CLSTN2: variants seen among roughly 807,000 people sequenced by gnomAD.
The protein encoded by CLSTN2 is calsyntenin-2.
In CLSTN2, 48 loss-of-function variants were observed where a neutral mutation model predicts 101.2. The ratio of observed to expected loss-of-function variants is 0.47; its 90% confidence interval spans 0.38 to 0.60. The LOEUF is 0.60. CLSTN2 is among the 20% of genes least tolerant of loss of function. The pLI is 0.00. For synonymous variants in CLSTN2, 481 were observed against 463.6 expected, an observed-to-expected ratio of 1.04 and a Z score of -0.48; for missense variants, 1,160 against 1,238.2, an observed-to-expected ratio of 0.94 and a Z score of 0.95.
intron 2 of CLSTN2, among the ~76,000 whole-genome samples, chr3:140,193,846 CTAAT>C (rs372691096): frequency 4.3e-4 from 66 of 152,154 alleles, no homozygotes; most frequent in African/African-American, 1.5e-3. Flanking sequence ...TCTCTAATAA[CTAAT>C]TGAGTTATTC....
intron 2 of CLSTN2, among the ~76,000 whole-genome samples, chr3:140,226,930 A>G (rs1306580109): frequency 2.0e-5 from 3 of 152,154 alleles, no homozygotes; most frequent in South Asian, 2.1e-4. Flanking sequence ...ACCCGCCCCC[A>G]TAATTCAATC....
intron 8 of CLSTN2, among the ~76,000 whole-genome samples, chr3:140,529,662 G>A (rs908232584): frequency 5.3e-5 from 8 of 152,110 alleles, no homozygotes; most frequent in Non-Finnish European, 1.2e-4. Context: ...TTTAGCTGCT[G>A]TCACAGATTA....
chr3:140,537,496 A>G (rs774701345), intron 9 of CLSTN2, among the ~76,000 whole-genome samples: 5 of 151,896 alleles, frequency 3.3e-5, no homozygotes, highest in Non-Finnish European at 7.4e-5. Context: ...TGAACCTAGC[A>G]TCACAAAAGA....
rs1456626951 is a variant in CLSTN2 at position 140,558,711 on chromosome 3, A to G, written c.1895A>G (p.Glu632Gly). Residue 632 changes from glutamate to glycine, a missense_variant, in exon 12 of 17, where the codon GAG (glutamate) becomes GGG (glycine). Transcript: ENST00000458420. ...DAYVMVLQAIEPRITLRGTDH... is the reference protein window; with the variant it reads ...DAYVMVLQAIGPRITLRGTDH... ...TATGTGATGGTCCTCCAGGCCATCG[A>G]GCCCCGGATCACCCTCCGGGGCACA... The G allele has an allele frequency of 1.2e-6, 2 of 1,614,042 alleles. No homozygotes were observed. The highest frequency in any genetic ancestry group is 1.7e-5 in the Admixed American group (1 of 60,016).
At chr3:140,107,493 G>T (rs763087655) in intron 1 of CLSTN2, among the ~76,000 whole-genome samples, 3 of 152,166 alleles carry the variant, frequency 2.0e-5, no homozygotes, top group Non-Finnish European at 4.4e-5. Context: ...CACCCTCAAT[G>T]TGAGTGCAGA....
rs1366038 is a variant in CLSTN2 at position 140,488,635 on chromosome 3, G to A, written c.1344+21904G>A. ...TTCTGCTGTGGAATGCATTTAATAC[G>A]TGCTTTTTTTTTTTTTTTTTTTTTT... On this transcript the variant is annotated intron_variant, in intron 8 of 16. Coordinates refer to ENST00000458420, the MANE Select transcript of CLSTN2 (RefSeq NM_022131.3). 8.7e-4 allele frequency among the ~76,000 whole-genome samples: 108 copies of A among 124,556 alleles called. 1 individual carries two copies. The highest frequency in any genetic ancestry group is 1.4e-3 in the Non-Finnish European group (88 of 61,558). 81.7% of individuals were successfully genotyped at this position (124,556 alleles called of 152,430 possible).
rs113750350 is a variant in CLSTN2 at position 140,380,587 on chromosome 3, C to CT, written c.233-23040dup. Among the ~76,000 whole-genome samples the CT allele has an allele frequency of 3.8e-3, 578 of 152,290 alleles. 9 individuals carry two copies. Among genetic ancestry groups the CT allele is most frequent in the African/African-American group, 0.013 (552 of 41,556 alleles). ...AGTGGCATGAAGCCTATTTAAGCACCTTCAGCAAACTCCAAAACACCTTTC... is the reference window on the plus strand; with the variant it reads ...AGTGGCATGAAGCCTATTTAAGCACCTTTCAGCAAACTCCAAAACACCTTTC... On this transcript the variant is annotated intron_variant, in intron 2 of 16. Transcript: ENST00000458420.
chr3:140,026,826 A>T lies in CLSTN2; in HGVS notation c.109+91343A>T, dbSNP rs550371663. On this transcript the variant is annotated intron_variant, in intron 1 of 16. Coordinates refer to ENST00000458420, the MANE Select transcript of CLSTN2 (RefSeq NM_022131.3). ...TCAGGGAACCCCCTTCCCATCTCAG[A>T]GGACTCCCTGGTCAGATTGACATTG... is the stretch of plus-strand genomic sequence containing the variant. 2.0e-5 allele frequency among the ~76,000 whole-genome samples: 3 copies of T among 152,326 alleles called. No individual in the cohort carries two copies. In the South Asian group the frequency reaches 6.2e-4, roughly 32 times the overall value.
chr3:140,558,508 A>T, intron 11 of CLSTN2, 132 bp from the exon 12 acceptor site: 1 of 633,194 alleles, frequency 1.6e-6, no homozygotes, highest in Non-Finnish European at 2.7e-6. Flanking sequence ...ATGTCTGTTG[A>T]CATCCTCAGA....
chr3:140,572,911 C>T lies in CLSTN2; in HGVS notation c.*6658C>T, dbSNP rs1985601198. On this transcript the variant is annotated 3_prime_UTR_variant, in exon 17 of 17. Coordinates refer to ENST00000458420, the MANE Select transcript of CLSTN2 (RefSeq NM_022131.3). The stretch of plus-strand genomic sequence containing the variant: ...GGCCTTTTTGGCTCCAGTTTATACT[C>T]ACTGAAGCAGTGGTTTCAAGGAACC... 6.6e-6 allele frequency: 1 copy of T among 152,308 alleles called. No homozygotes were observed. Among genetic ancestry groups the T allele is most frequent in the Non-Finnish European group, 1.5e-5 (1 of 68,126 alleles). 9.4% of individuals were successfully genotyped at this position (152,308 alleles called of 1,614,324 possible).
chr3:140,353,116 A>G (rs1484331074), intron 2 of CLSTN2, among the ~76,000 whole-genome samples: 1 of 152,078 alleles, frequency 6.6e-6, no homozygotes, highest in Non-Finnish European at 1.5e-5. Flanking sequence ...GAGGATGTGC[A>G]TAGGTTATAT....
rs143500830 is a variant in CLSTN2, at chr3:140,544,413, C to T, written c.1508-2102C>T. Among the ~76,000 whole-genome samples, 536 of 152,218 alleles carry T rather than the reference C, an allele frequency of 3.5e-3. 4 individuals carry two copies. The highest frequency in any genetic ancestry group is 0.012 in the African/African-American group (505 of 41,546). ...GATCACAAGAGGAGTGTGCAAGAGGCCCAACCCCACAAGAAGCTATAGCCC... is the reference window on the plus strand; with the variant it reads ...GATCACAAGAGGAGTGTGCAAGAGGTCCAACCCCACAAGAAGCTATAGCCC... On this transcript the variant is annotated intron_variant, in intron 9 of 16. Coordinates refer to ENST00000458420, the MANE Select transcript of CLSTN2 (RefSeq NM_022131.3).
At chr3:140,324,621 CT>C (rs2107925635) in intron 2 of CLSTN2, among the ~76,000 whole-genome samples, 1 of 152,268 alleles carries the variant, frequency 6.6e-6, no homozygotes, top group African/African-American at 2.4e-5. Flanking sequence ...CACATGTTTA[CT>C]TTTTTAACAG....
intron 2 of CLSTN2, among the ~76,000 whole-genome samples, chr3:140,365,330 G>A (rs1447571850): frequency 6.6e-6 from 1 of 152,080 alleles, no homozygotes; most frequent in Non-Finnish European, 1.5e-5. Context: ...GGGCAGCTTT[G>A]AGCCAAGCAG....
At chr3:140,442,415 A>G (rs929816548) in intron 5 of CLSTN2, among the ~76,000 whole-genome samples, 2 of 152,266 alleles carry the variant, frequency 1.3e-5, no homozygotes, top group Non-Finnish European at 2.9e-5. Flanking sequence ...AAGCCACAGT[A>G]AAGCCTTGTG....
At chr3:140,197,960 T>G (rs368089380) in intron 2 of CLSTN2, among the ~76,000 whole-genome samples, 21 of 152,348 alleles carry the variant, frequency 1.4e-4, no homozygotes, top group East Asian at 9.6e-4. Flanking sequence ...TATTTCTGGC[T>G]TTGTTATCCT....
intron 1 of CLSTN2, among the ~76,000 whole-genome samples, chr3:140,078,871 G>A (rs2008539241): frequency 6.6e-6 from 1 of 152,164 alleles, no homozygotes; most frequent in Non-Finnish European, 1.5e-5. Flanking sequence ...GCCAGACACA[G>A]CAGCCATGTT....
intron 2 of CLSTN2, among the ~76,000 whole-genome samples, chr3:140,341,507 GC>G (rs2087492706): frequency 6.6e-6 from 1 of 152,334 alleles, no homozygotes; most frequent in African/African-American, 2.4e-5. Flanking sequence ...GGGACTTTCA[GC>G]CGCATTTTCT....
intron 1 of CLSTN2, among the ~76,000 whole-genome samples, chr3:140,164,020 A>C (rs1208151609): frequency 6.6e-6 from 1 of 152,172 alleles, no homozygotes; most frequent in East Asian, 1.9e-4. Flanking sequence ...AAGTAATAAC[A>C]ATCTTGGAGA....
Sources: allele counts gnomAD v4.1 joint callset (sites outside exome capture counted in the v4.1 genomes callset), GRCh38; gene constraint gnomAD v4.1.1; transcripts MANE v1.5; gene names NCBI Gene and HGNC (gene_info 2026-07-23, HGNC 2026-07-21).